Variants in GLIS3 observed in about 807,000 individuals in gnomAD.
GLIS3 encodes the protein zinc finger protein GLIS3.
Under a neutral mutation model 78.6 loss-of-function variants are expected in GLIS3, and 53 were observed. That is an observed-to-expected ratio of 0.67 (90% CI 0.54 to 0.85). The LOEUF (loss-of-function observed/expected upper bound fraction) is 0.85. Ranked by LOEUF, GLIS3 falls within the 40% of genes least tolerant of loss-of-function variation. The pLI, the probability that GLIS3 is intolerant of heterozygous loss-of-function variation, is 0.00. For synonymous variants in GLIS3, 684 were observed against 509.9 expected (o/e 1.34, Z -4.60); for missense variants, 1,703 against 1,231.1 (o/e 1.38, Z -5.74).
At position 4,231,385 on chromosome 9, in the gene GLIS3, C is replaced by T. The variant is rs569215532; in HGVS notation, c.388+54653G>A. 4.6e-5 allele frequency among the ~76,000 whole-genome samples: 7 copies of T among 151,968 alleles called. No individual in the cohort carries two copies. The South Asian group carries it at 8.3e-4, about 18-fold the overall frequency. ...GAGTCTGTTCTCTAAAATTAAGGTT[C>T]GGTTGAAAGGCCTGTAAGATAGATT... On this transcript the variant is annotated intron_variant, in intron 2 of 10. Coordinates refer to ENST00000381971, the MANE Select transcript of GLIS3 (RefSeq NM_001042413.2).
the GLIS3 span, among the ~76,000 whole-genome samples, chr9:4,477,410 T>TGG: frequency 2.5e-5 from 3 of 120,312 alleles, no homozygotes; most frequent in African/African-American, 9.1e-5. Flanking sequence ...TAGTGTGTTT[T>TGG]GGGGGGGCTG....
the GLIS3 span, among the ~76,000 whole-genome samples, chr9:4,421,891 G>A: frequency 0.012 from 1,815 of 152,280 alleles, 20 homozygotes; most frequent in Non-Finnish European, 0.02. Context: ...CAGCTTCAGG[G>A]AGTCATTAAA....
the GLIS3 span, among the ~76,000 whole-genome samples, chr9:4,434,673 A>T: frequency 1.3e-5 from 2 of 152,208 alleles, no homozygotes; most frequent in Non-Finnish European, 2.9e-5. Flanking sequence ...ACTCCCCTCA[A>T]TCCAGATGTA....
intron 2 of GLIS3, among the ~76,000 whole-genome samples, chr9:4,150,062 A>T (rs1037172138): frequency 6.6e-6 from 1 of 152,212 alleles, no homozygotes; most frequent in Non-Finnish European, 1.5e-5. Context: ...ACACACACAG[A>T]TGAGCACAAA....
chr9:3,863,738 G>C (rs530788573), intron 8 of GLIS3, among the ~76,000 whole-genome samples: 60 of 152,332 alleles, frequency 3.9e-4, no homozygotes, highest in Non-Finnish European at 7.2e-4. Flanking sequence ...AAAGGACAGA[G>C]TGTTCTGGAG....
chr9:4,163,853 TTAA>T (rs1835687729), intron 2 of GLIS3, among the ~76,000 whole-genome samples: 1 of 152,170 alleles, frequency 6.6e-6, no homozygotes, highest in Non-Finnish European at 1.5e-5. Context: ...ATTATTACTG[TTAA>T]TAATAATAAC....
the GLIS3 span, among the ~76,000 whole-genome samples, chr9:4,372,161 G>A: frequency 6.6e-6 from 1 of 152,316 alleles, no homozygotes; most frequent in African/African-American, 2.4e-5. Context: ...AGTCTAGAAA[G>A]AATTCCAGAT....
intron 6 of GLIS3, among the ~76,000 whole-genome samples, chr9:3,909,849 T>C (rs554383497): frequency 2.6e-5 from 4 of 152,358 alleles, no homozygotes; most frequent in South Asian, 2.1e-4. Flanking sequence ...GGTTCTGCAC[T>C]GCACTAATTG....
chr9:3,937,931 T>C (rs1226791584), intron 4 of GLIS3, among the ~76,000 whole-genome samples: 1 of 152,204 alleles, frequency 6.6e-6, no homozygotes, highest in Non-Finnish European at 1.5e-5. Flanking sequence ...GAAAAGAAGA[T>C]AAAAGGCTTA....
chr9:4,309,361 C>T (rs1403054255), intron 3 of GLIS3, among the ~76,000 whole-genome samples: 3 of 152,146 alleles, frequency 2.0e-5, no homozygotes, highest in African/African-American at 4.8e-5. Context: ...AAAAACAAGT[C>T]ATTTAAACAA....
At chr9:4,309,509 A>G (rs1247623981) in intron 3 of GLIS3, among the ~76,000 whole-genome samples, 1 of 152,208 alleles carries the variant, frequency 6.6e-6, no homozygotes, top group African/African-American at 2.4e-5. Flanking sequence ...ACAGAAGGTC[A>G]TAAAATAGGC....
chr9:4,376,153 C>G, the GLIS3 span, among the ~76,000 whole-genome samples: 3 of 152,136 alleles, frequency 2.0e-5, no homozygotes, highest in African/African-American at 7.2e-5. Context: ...GTGTGCGCTC[C>G]TTCAAAGTTC....
the GLIS3 span, among the ~76,000 whole-genome samples, chr9:4,475,032 C>G: frequency 8.5e-6 from 1 of 117,694 alleles, no homozygotes; most frequent in African/African-American, 3.5e-5. Context: ...CTTGCTCTGT[C>G]GACCAGGCTA....
At chr9:4,415,133 G>A in the GLIS3 span, among the ~76,000 whole-genome samples, 1 of 152,142 alleles carries the variant, frequency 6.6e-6, no homozygotes, top group African/African-American at 2.4e-5. Flanking sequence ...ATCTATCCAG[G>A]AGACCTCAGA....
chr9:4,281,235 G>A (rs143992127), intron 2 of GLIS3, among the ~76,000 whole-genome samples: 10 of 152,304 alleles, frequency 6.6e-5, no homozygotes, highest in Admixed American at 1.3e-4. Flanking sequence ...CCCGTTCCAC[G>A]TTGATTTTCA....
At chr9:4,204,813 C>A (rs1819717314) in intron 2 of GLIS3, among the ~76,000 whole-genome samples, 1 of 151,898 alleles carries the variant, frequency 6.6e-6, no homozygotes. Context: ...ACTCGGGAGG[C>A]TGAGGCAGAA....
In GLIS3 at chr9:4,118,286, G is replaced by A; in HGVS notation, c.1192C>T (p.Leu398=). ...GALEHERMQQ[L]EHGGLQPGLV... is the part of the protein sequence containing the mutation. The stretch of plus-strand genomic sequence containing the variant: ...CCTGGCTGCAGGCCGCCGTGCTCCA[G>A]CTGTTGCATGCGCTCGTGCTCCAGG... The change falls in exon 4 of 11, where the codon CTG becomes TTG. Residue 398 remains leucine (L), a synonymous_variant. Coordinates refer to ENST00000381971, the MANE Select transcript of GLIS3 (RefSeq NM_001042413.2). The surrounding 1 kb of genome is among the most constrained non-coding windows in gnomAD (Gnocchi z 4.7). The A allele has an allele frequency of 6.3e-7, 1 of 1,583,334 alleles. No individual in the cohort carries two copies. The highest frequency in any genetic ancestry group is 1.1e-5 in the South Asian group (1 of 87,772).
At chr9:4,405,080 C>T in the GLIS3 span, among the ~76,000 whole-genome samples, 8 of 152,098 alleles carry the variant, frequency 5.3e-5, no homozygotes, top group Admixed American at 1.3e-4. Flanking sequence ...TCCTGCCTGG[C>T]GCAGTGGCTC....
chr9:4,227,546 G>C (rs1312772125), intron 2 of GLIS3, among the ~76,000 whole-genome samples: 1 of 152,156 alleles, frequency 6.6e-6, no homozygotes, highest in East Asian at 1.9e-4. Flanking sequence ...GTAATTCCAT[G>C]TGAGTATCTC....
Sources: allele counts gnomAD v4.1 joint callset (sites outside exome capture counted in the v4.1 genomes callset), GRCh38; gene constraint gnomAD v4.1.1; non-coding constraint Gnocchi (gnomAD v3.1); transcripts MANE v1.5; gene names NCBI Gene and HGNC (gene_info 2026-07-23, HGNC 2026-07-21).